KCNIP4: variants seen among roughly 807,000 people sequenced by gnomAD.
KCNIP4 encodes the protein potassium voltage-gated channel interacting protein 4, also known as Kv channel-interacting protein 4.
Under a neutral mutation model 34.0 loss-of-function variants are expected in KCNIP4, and 12 were observed. The observed-to-expected ratio is 0.35, with a 90% CI of 0.23 to 0.57. The LOEUF (loss-of-function observed/expected upper bound fraction) is 0.57. Ranked by LOEUF, KCNIP4 falls within the 20% of genes least tolerant of loss-of-function variation. KCNIP4 has a pLI of 0.83. For synonymous variants in KCNIP4, 124 were observed against 102.2 expected (o/e 1.21, Z -1.29); for missense variants, 238 against 311.7 (o/e 0.76, Z 1.78).
intron 1 of KCNIP4, among the ~76,000 whole-genome samples, chr4:21,794,811 G>A (rs778290014): frequency 6.6e-5 from 10 of 152,066 alleles, no homozygotes; most frequent in South Asian, 2.1e-4. Context: ...CCAGGGAGGC[G>A]GAGGTTGCAG....
chr4:21,756,513 C>G (rs890693587), intron 1 of KCNIP4, among the ~76,000 whole-genome samples: 1 of 148,976 alleles, frequency 6.7e-6, no homozygotes, highest in African/African-American at 2.5e-5. Context: ...AAGATTGCAC[C>G]ACTGCACTCC....
At chr4:21,497,143 A>G (rs1220248522) in intron 1 of KCNIP4, among the ~76,000 whole-genome samples, 2 of 152,128 alleles carry the variant, frequency 1.3e-5, no homozygotes, top group African/African-American at 4.8e-5. Context: ...TAGACATGAG[A>G]CTCAATGGGA....
intron 1 of KCNIP4, among the ~76,000 whole-genome samples, chr4:21,898,441 C>G (rs1727524016): frequency 6.6e-6 from 1 of 152,066 alleles, no homozygotes; most frequent in African/African-American, 2.4e-5. Flanking sequence ...AACCTGTATG[C>G]CAGTTCAGCC....
intron 1 of KCNIP4, among the ~76,000 whole-genome samples, chr4:21,218,626 T>C (rs1191518027): frequency 6.6e-6 from 1 of 152,180 alleles, no homozygotes; most frequent in Non-Finnish European, 1.5e-5. Flanking sequence ...TGAGGAAATC[T>C]ATGCACTATC....
At chr4:21,740,966 T>C (rs1716359217) in intron 1 of KCNIP4, among the ~76,000 whole-genome samples, 1 of 152,076 alleles carries the variant, frequency 6.6e-6, no homozygotes, top group African/African-American at 2.4e-5. Context: ...GAAAATATGT[T>C]GGTGTTACCA....
At chr4:21,125,521 G>A (rs1750547268) in intron 1 of KCNIP4, among the ~76,000 whole-genome samples, 2 of 151,984 alleles carry the variant, frequency 1.3e-5, no homozygotes, top group Admixed American at 6.6e-5. Flanking sequence ...GGCCCATCAG[G>A]GCTTTATTAA....
At chr4:20,909,600 T>C (rs1468611449) in intron 1 of KCNIP4, among the ~76,000 whole-genome samples, 1 of 152,222 alleles carries the variant, frequency 6.6e-6, no homozygotes, top group Non-Finnish European at 1.5e-5. Flanking sequence ...TCATTTCTGC[T>C]GTTTGGGACA....
rs1480292429 is a variant in KCNIP4 at position 21,191,924 on chromosome 4, T to C, written c.62-309215A>G. 2.0e-5 allele frequency among the ~76,000 whole-genome samples: 3 copies of C among 152,204 alleles called. No individual in the cohort carries two copies. In the East Asian group the frequency reaches 5.8e-4, roughly 29 times the overall value. On this transcript the variant is annotated intron_variant, in intron 1 of 8. Transcript: ENST00000382152. ...GATTATTTTTCTTACCACAATAACA[T>C]GACCTGAACCATGATCAATCTGTCT...
intron 1 of KCNIP4, among the ~76,000 whole-genome samples, chr4:21,466,991 A>T (rs753236256): frequency 6.6e-6 from 1 of 151,978 alleles, no homozygotes; most frequent in Non-Finnish European, 1.5e-5. Context: ...ATGATTAAAA[A>T]TCTTTTCTGA....
At chr4:21,501,334 C>T (rs1299391066) in intron 1 of KCNIP4, among the ~76,000 whole-genome samples, 4 of 151,700 alleles carry the variant, frequency 2.6e-5, no homozygotes, top group Non-Finnish European at 2.9e-5. Context: ...CTTGTCATCA[C>T]TTTGCACATG....
chr4:20,940,396 G>A (rs1354794264), intron 1 of KCNIP4, among the ~76,000 whole-genome samples: 1 of 152,168 alleles, frequency 6.6e-6, no homozygotes, highest in Admixed American at 6.6e-5. Flanking sequence ...GTCAGCATAT[G>A]CAAGTTGCTG....
At chr4:20,939,379 T>C (rs559668672) in intron 1 of KCNIP4, among the ~76,000 whole-genome samples, 1 of 152,100 alleles carries the variant, frequency 6.6e-6, no homozygotes, top group South Asian at 2.1e-4. Flanking sequence ...TAATTTATTA[T>C]TTATTTATTT....
At position 21,934,789 on chromosome 4, in the gene KCNIP4, C is replaced by T. The variant is rs544266069; in HGVS notation, c.61+13782G>A. Among the ~76,000 whole-genome samples the T allele has an allele frequency of 1.2e-4, 18 of 152,048 alleles. No homozygotes were observed. The South Asian group carries it at 2.9e-3, about 25-fold the overall frequency. On this transcript the variant is annotated intron_variant, in intron 1 of 8. Transcript: ENST00000382152. ...ACGATGCCTTGGTTAATAAATACAC[C>T]CACTCTCTCAATCACTGGATGTGTG...
intron 1 of KCNIP4, among the ~76,000 whole-genome samples, chr4:21,123,014 T>C (rs891640286): frequency 1.3e-5 from 2 of 152,012 alleles, no homozygotes; most frequent in South Asian, 2.1e-4. Context: ...ATCAAGACCA[T>C]CCTGGCTAAC....
intron 1 of KCNIP4, among the ~76,000 whole-genome samples, chr4:21,286,743 A>G (rs552892535): frequency 1.3e-5 from 2 of 152,166 alleles, no homozygotes; most frequent in South Asian, 2.1e-4. Flanking sequence ...TATTTTGTTG[A>G]TAAGAGAATT....
At chr4:21,228,194 G>A (rs1758540933) in intron 1 of KCNIP4, among the ~76,000 whole-genome samples, 1 of 152,082 alleles carries the variant, frequency 6.6e-6, no homozygotes. Flanking sequence ...CCTAGTGGGA[G>A]GTCATTGAAT....
At chr4:20,803,470 CAAAAAAAAAAA>C (rs551176038) in intron 3 of KCNIP4, among the ~76,000 whole-genome samples, 15 of 85,884 alleles carry the variant, frequency 1.7e-4, no homozygotes, top group African/African-American at 7.7e-4. Context: ...TCATCTTTAC[CAAAAAAAAAAA>C]AAAAAAAAAA....
chr4:21,813,653 TATAATA>T (rs1006354265), intron 1 of KCNIP4, among the ~76,000 whole-genome samples: 8 of 152,026 alleles, frequency 5.3e-5, no homozygotes, highest in African/African-American at 1.9e-4. Flanking sequence ...CTAATGCAAA[TATAATA>T]ACATAGTTGC....
At chr4:21,603,437 A>T (rs754472582) in intron 1 of KCNIP4, among the ~76,000 whole-genome samples, 3 of 152,204 alleles carry the variant, frequency 2.0e-5, no homozygotes, top group African/African-American at 4.8e-5. Context: ...AGAATGTAAG[A>T]CTTCAAATGC....
Sources: allele counts gnomAD v4.1 joint callset (sites outside exome capture counted in the v4.1 genomes callset), GRCh38; gene constraint gnomAD v4.1.1; transcripts MANE v1.5; gene names NCBI Gene and HGNC (gene_info 2026-07-23, HGNC 2026-07-21).